IRF2BPL: variants seen among roughly 807,000 people sequenced by gnomAD.
The protein encoded by IRF2BPL is probable E3 ubiquitin-protein ligase IRF2BPL.
Under a neutral mutation model 51.2 loss-of-function variants are expected in IRF2BPL, and 13 were observed. The ratio of observed to expected loss-of-function variants is 0.25; its 90% CI spans 0.17 to 0.40. The LOEUF (loss-of-function observed/expected upper bound fraction) is 0.40. Among genes scored for constraint, IRF2BPL ranks in the 10% least tolerant of loss-of-function variants. The probability of loss-of-function intolerance (pLI) is 1.00; values close to 1 mark genes in which losing one functional copy is unlikely to be tolerated. For synonymous variants in IRF2BPL, 768 were observed against 509.2 expected (o/e 1.51, Z -6.84); for missense variants, 1,210 against 1,111.8 (o/e 1.09, Z -1.26).
Position 77,025,160 on chromosome 14 carries a change from TATA to T in IRF2BPL, c.*239_*241del. Reference sequence around the variant, plus strand: ...ATGATGCAAATGACCCAACCAATACTATACTGCTTAACACAAACCAGCTTATCC... The same window carrying T: ...ATGATGCAAATGACCCAACCAATACTCTGCTTAACACAAACCAGCTTATCC... On this transcript the variant is annotated 3_prime_UTR_variant, in exon 1 of 1. Coordinates refer to ENST00000238647, the MANE Select transcript of IRF2BPL (RefSeq NM_024496.4). The T allele has an allele frequency of 2.7e-6, 1 of 376,712 alleles. No homozygotes were observed. The highest frequency in any genetic ancestry group is 6.9e-5 in the South Asian group (1 of 14,484). The allele number at this position is 376,712 out of a possible 1,614,324, so 23.3% of individuals were successfully genotyped here.
Position 77,027,513 on chromosome 14 carries a change from CT to C in IRF2BPL, c.279del (p.Ala94GlnfsTer58). The C allele has an allele frequency of 1.5e-6, 1 of 665,000 alleles. No homozygotes were observed. The highest frequency in any genetic ancestry group is 1.9e-6 in the Non-Finnish European group (1 of 536,536). The allele number at this position is 665,000 out of a possible 1,614,324, so 41.2% of individuals were successfully genotyped here. ...GCGGCGGCGGCGGCGGCCGCCGCTG[CT>C]GCCGCCGCCGCCGCCGCTTCCTTAG... ...LSAKEAAAAA[A>X]AAAAAAAAAQ... On this transcript the variant is annotated frameshift_variant, in exon 1 of 1. Transcript: ENST00000238647. LOFTEE classifies it high-confidence loss of function.
rs1318179114 is a variant in IRF2BPL, at chr14:77,026,076, G to A, written c.1717C>T (p.Gln573Ter). The A allele has an allele frequency of 6.4e-7, 1 of 1,569,934 alleles. No homozygotes were observed. The change falls in exon 1 of 1, where the codon CAG (glutamine) becomes TAG (stop). Residue 573 changes from glutamine to a stop codon, truncating the protein, a stop_gained. Coordinates refer to ENST00000238647, the MANE Select transcript of IRF2BPL (RefSeq NM_024496.4). LOFTEE classifies it high-confidence loss of function. ...ATGGTGAGCTTCAGCGCCTCGCTCT[G>A]GTTCGCCATCCACTGCTGCCTCTGC... ...EQQRQQWMAN[Q>*]SEALKLTMSA...
Position 77,024,622 on chromosome 14 carries a change from A to G in IRF2BPL, c.*780T>C, listed in dbSNP as rs1039838126. On this transcript the variant is annotated 3_prime_UTR_variant, in exon 1 of 1. Coordinates refer to ENST00000238647, the MANE Select transcript of IRF2BPL (RefSeq NM_024496.4). ...TTCTGTTAACTACAGAAATGTATAAAGGACAAACAGAGCAGATTCTCCATG... is the reference window on the plus strand; with the variant it reads ...TTCTGTTAACTACAGAAATGTATAAGGGACAAACAGAGCAGATTCTCCATG... 1.0e-4 allele frequency: 16 copies of G among 152,624 alleles called. No individual in the cohort carries two copies. Among genetic ancestry groups the G allele is most frequent in the African/African-American group, 3.9e-4 (16 of 41,444 alleles). The allele number at this position is 152,624 out of a possible 1,614,324, so 9.5% of individuals were successfully genotyped here. A position where few individuals can be genotyped will look rare whatever the true frequency, so the allele number is the denominator to read the frequency against.
Position 77,026,898 on chromosome 14 carries a change from G to C in IRF2BPL, c.895C>G (p.Leu299Val). 1 of 1,520,408 alleles carries C rather than the reference G, an allele frequency of 6.6e-7. No homozygotes were observed. Among genetic ancestry groups the C allele is most frequent in the South Asian group, 1.2e-5 (1 of 80,370 alleles). 94.2% of individuals were successfully genotyped at this position (1,520,408 alleles called of 1,614,324 possible). ...GCCGATACACCCGGGGTACCCCCGA[G>C]ACAAGCGGGGCCCCCAGGAGCCCCT... ...PPGAPGGPACLGGTPGVSATS... is the reference protein window; with the variant it reads ...PPGAPGGPACVGGTPGVSATS... The change falls in exon 1 of 1, where the codon CTC becomes GTC. Residue 299 changes from leucine (L) to valine (V), a missense_variant. Leu to Val is a conservative substitution (Grantham distance 32, BLOSUM62 1). Transcript: ENST00000238647.
chr14:77,026,822 C>T lies in IRF2BPL; in HGVS notation c.971G>A (p.Gly324Asp). 6.2e-7 allele frequency: 1 copy of T among 1,612,186 alleles called. No homozygotes were observed. Among genetic ancestry groups the T allele is most frequent in the Non-Finnish European group, 8.5e-7 (1 of 1,179,514 alleles). Residue 324 changes from glycine to aspartate, a missense_variant, in exon 1 of 1, where the codon GGC (glycine) becomes GAC (aspartate). Physicochemically the swap from Gly to Asp is moderately conservative, Grantham distance 94 (BLOSUM62 -1). Transcript: ENST00000238647. The stretch of plus-strand genomic sequence containing the variant: ...GGGCCTCTTACCACCAGCACCCACG[C>T]CCACCTCTGCCACCGACGAAGAGGT... ...SSTSSSVAEV[G>D]VGAGGKRPGS...
rs746526033 is a variant in IRF2BPL, at chr14:77,026,176, G to A, written c.1617C>T (p.Ala539=). Reference sequence around the variant, plus strand: ...GAGAGGCCTTTCTCTTGCGCAGGCTGGCGGCTGCGCCCCGGCCCGACGGCG... The same window carrying A: ...GAGAGGCCTTTCTCTTGCGCAGGCTAGCGGCTGCGCCCCGGCCCGACGGCG... The part of the protein sequence containing the change: ...PAAPSGRGAA[A]SLRKRKASPE... Residue 539 remains alanine (A), a synonymous_variant, in exon 1 of 1, where the codon GCC becomes GCT. Coordinates refer to ENST00000238647, the MANE Select transcript of IRF2BPL (RefSeq NM_024496.4). The A allele has an allele frequency of 1.4e-6, 2 of 1,432,134 alleles. No homozygotes were observed. Among genetic ancestry groups the A allele is most frequent in the South Asian group, 1.5e-5 (1 of 68,450 alleles). 88.7% of individuals were successfully genotyped at this position (1,432,134 alleles called of 1,614,324 possible).
chr14:77,027,368 GCC>G lies in IRF2BPL; in HGVS notation c.423_424del (p.Ala142ProfsTer121). 1 of 1,508,454 alleles carries G rather than the reference GCC, an allele frequency of 6.6e-7. No homozygotes were observed. The highest frequency in any genetic ancestry group is 8.8e-7 in the Non-Finnish European group (1 of 1,131,844). 93.4% of individuals were successfully genotyped at this position (1,508,454 alleles called of 1,614,324 possible). On this transcript the variant is annotated frameshift_variant, in exon 1 of 1. Transcript: ENST00000238647. LOFTEE classifies it high-confidence loss of function. The stretch of plus-strand genomic sequence containing the variant: ...GCCGTAGCGCTCCAGGCCAGACGGG[GCC>G]GCCAGCACCGCAGGCTTGCTGGAAC...
Position 77,027,397 on chromosome 14 carries a change from A to C in IRF2BPL, c.396T>G (p.Asp132Glu). Residue 132 changes from aspartate (D) to glutamate (E), a missense_variant, in exon 1 of 1, where the codon GAT becomes GAG. Transcript: ENST00000238647. ...QQQQQQLNHV[D>E]GSSKPAVLAA... ...CCAGCACCGCAGGCTTGCTGGAACC[A>C]TCAACGTGGTTGAGCTGTTGTTGCT... The C allele has an allele frequency of 2.7e-6, 4 of 1,480,826 alleles. No individual in the cohort carries two copies. Among genetic ancestry groups the C allele is most frequent in the Non-Finnish European group, 3.6e-6 (4 of 1,117,272 alleles). The allele number at this position is 1,480,826 out of a possible 1,614,324, so 91.7% of individuals were successfully genotyped here. A position where few individuals can be genotyped will look rare whatever the true frequency, so the allele number is the denominator to read the frequency against.
Position 77,026,120 on chromosome 14 carries a change from A to T in IRF2BPL, c.1673T>A (p.Leu558Gln). 2 of 1,570,004 alleles carry T rather than the reference A, an allele frequency of 1.3e-6. No homozygotes were observed. The highest frequency in any genetic ancestry group is 1.7e-6 in the Non-Finnish European group (2 of 1,163,908). The part of the protein sequence containing the change: ...PEPPDSAEGA[L>Q]KLGEEQQRQQ... ...CCTCTGCTGTTCCTCGCCCAGCTTCAGCGCGCCCTCGGCTGAGTCCGGGGG... is the reference window on the plus strand; with the variant it reads ...CCTCTGCTGTTCCTCGCCCAGCTTCTGCGCGCCCTCGGCTGAGTCCGGGGG... The change falls in exon 1 of 1, where the codon CTG becomes CAG. Residue 558 changes from leucine to glutamine, a missense_variant. Leu to Gln is a moderately radical substitution (Grantham distance 113, BLOSUM62 -2). Transcript: ENST00000238647.
chr14:77,025,895 G>A lies in IRF2BPL; in HGVS notation c.1898C>T (p.Thr633Ile). The change falls in exon 1 of 1, where the codon ACT becomes ATT. Residue 633 changes from threonine to isoleucine, a missense_variant. Coordinates refer to ENST00000238647, the MANE Select transcript of IRF2BPL (RefSeq NM_024496.4). ...CTTGGGCGAGTGCGCTGTGCCCAGA[G>A]TATCTGCCACCGACATGAGAGCGGC... Reference protein sequence around the residue: ...PMAALMSVADTLGTAHSPKDG... With the variant: ...PMAALMSVADILGTAHSPKDG... The A allele has an allele frequency of 6.2e-7, 1 of 1,612,194 alleles. No homozygotes were observed. The highest frequency in any genetic ancestry group is 8.5e-7 in the Non-Finnish European group (1 of 1,179,650).
rs551073327 is a variant in IRF2BPL at position 77,027,837 on chromosome 14, G to A, written c.-45C>T. On this transcript the variant is annotated 5_prime_UTR_variant, in exon 1 of 1. Coordinates refer to ENST00000238647, the MANE Select transcript of IRF2BPL (RefSeq NM_024496.4). ...GTAGGCCCCCGCCCGGGCTGTCTCC[G>A]CGGCGCCTTCTCCTCCGGGAGGACT... 1 of 1,459,696 alleles carries A rather than the reference G, an allele frequency of 6.9e-7. No homozygotes were observed. Among genetic ancestry groups the A allele is most frequent in the African/African-American group, 1.4e-5 (1 of 69,404 alleles). 90.4% of individuals were successfully genotyped at this position (1,459,696 alleles called of 1,614,324 possible).
Position 77,027,527 on chromosome 14 carries a change from G to A in IRF2BPL, c.266C>T (p.Ala89Val), listed in dbSNP as rs1308039174. 2.3e-5 allele frequency: 16 copies of A among 697,542 alleles called. No individual in the cohort carries two copies. The highest frequency in any genetic ancestry group is 2.7e-5 in the Non-Finnish European group (15 of 565,614). 43.2% of individuals were successfully genotyped at this position (697,542 alleles called of 1,614,324 possible). A position where few individuals can be genotyped will look rare whatever the true frequency, so the allele number is the denominator to read the frequency against. ...KTVALSAKEA[A>V]AAAAAAAAAA... ...GGCCGCCGCTGCTGCCGCCGCCGCCGCCGCTTCCTTAGCCGACAGGGCCAC... is the reference window on the plus strand; with the variant it reads ...GGCCGCCGCTGCTGCCGCCGCCGCCACCGCTTCCTTAGCCGACAGGGCCAC... The change falls in exon 1 of 1, where the codon GCG becomes GTG. Residue 89 changes from alanine (A) to valine (V), a missense_variant. Ala to Val is a moderately conservative substitution (Grantham distance 64). Coordinates refer to ENST00000238647, the MANE Select transcript of IRF2BPL (RefSeq NM_024496.4).
In IRF2BPL at chr14:77,026,891, C is replaced by A. The variant is rs953825201; in HGVS notation, c.902G>T (p.Gly301Val). ...GAPGGPACLGGTPGVSATSSS... is the reference protein window; with the variant it reads ...GAPGGPACLGVTPGVSATSSS... Reference sequence around the variant, plus strand: ...CGACGTGGCCGATACACCCGGGGTACCCCCGAGACAAGCGGGGCCCCCAGG... The same window carrying A: ...CGACGTGGCCGATACACCCGGGGTAACCCCGAGACAAGCGGGGCCCCCAGG... The change falls in exon 1 of 1, where the codon GGT (glycine) becomes GTT (valine). Residue 301 changes from glycine to valine, a missense_variant. Gly to Val is a moderately radical substitution (Grantham distance 109). Coordinates refer to ENST00000238647, the MANE Select transcript of IRF2BPL (RefSeq NM_024496.4). 13 of 1,537,304 alleles carry A rather than the reference C, an allele frequency of 8.5e-6. No homozygotes were observed. The highest frequency in any genetic ancestry group is 7.1e-5 in the East Asian group (3 of 42,338).
chr14:77,027,253 C>T lies in IRF2BPL; in HGVS notation c.540G>A (p.Leu180=). 1 of 1,590,502 alleles carries T rather than the reference C, an allele frequency of 6.3e-7. No homozygotes were observed. The highest frequency in any genetic ancestry group is 8.5e-7 in the Non-Finnish European group (1 of 1,171,812). The part of the protein sequence containing the change: ...RFEYPPPPVS[L]GSSSHTARLP... Reference sequence around the variant, plus strand: ...GTCGCGCGGTGTGGCTGCTGCTTCCCAGGCTCACCGGCGGTGGCGGGTACT... The same window carrying T: ...GTCGCGCGGTGTGGCTGCTGCTTCCTAGGCTCACCGGCGGTGGCGGGTACT... The change falls in exon 1 of 1, where the codon CTG becomes CTA. Residue 180 remains leucine, a synonymous_variant. Transcript: ENST00000238647.
In IRF2BPL at chr14:77,027,418, TTGCTGCTGC is replaced by T. The variant is rs200317113; in HGVS notation, c.366_374del (p.Gln125_Gln127del). On this transcript the variant is annotated inframe_deletion, in exon 1 of 1. Transcript: ENST00000238647. ...AACCATCAACGTGGTTGAGCTGTTGTTGCTGCTGCTGCTGCTGCTGCTGCTGCTGCTGTT... is the reference window on the plus strand; with the variant it reads ...AACCATCAACGTGGTTGAGCTGTTGTTGCTGCTGCTGCTGCTGCTGCTGTT... The T allele has an allele frequency of 1.4e-3, 1,824 of 1,346,100 alleles. No homozygotes were observed. Among genetic ancestry groups the T allele is most frequent in the Admixed American group, 4.7e-3 (176 of 37,072 alleles). The allele number at this position is 1,346,100 out of a possible 1,614,324, so 83.4% of individuals were successfully genotyped here. A position where few individuals can be genotyped will look rare whatever the true frequency, so the allele number is the denominator to read the frequency against.
At position 77,025,386 on chromosome 14, in the gene IRF2BPL, G is replaced by T. The variant is rs1284639534; in HGVS notation, c.*16C>A. The T allele has an allele frequency of 2.0e-6, 3 of 1,518,920 alleles. No homozygotes were observed. The allele number at this position is 1,518,920 out of a possible 1,614,324, so 94.1% of individuals were successfully genotyped here. A position where few individuals can be genotyped will look rare whatever the true frequency, so the allele number is the denominator to read the frequency against. On this transcript the variant is annotated 3_prime_UTR_variant, in exon 1 of 1. Coordinates refer to ENST00000238647, the MANE Select transcript of IRF2BPL (RefSeq NM_024496.4). ...GAGGAGCTGGTCTAGGGCAAAGGAG[G>T]TGGCTGCCCAGTGGTTCAAGGGTCT...
Position 77,027,899 on chromosome 14 carries a change from A to T in IRF2BPL, c.-107T>A. ...GAGGGAGTCCGACTGCGGGGGAGGG[A>T]GGAGGGGGGGCGAGAAAGTTCTGCC... is the stretch of plus-strand genomic sequence containing the variant. On this transcript the variant is annotated 5_prime_UTR_variant, in exon 1 of 1. Transcript: ENST00000238647. 7.8e-7 allele frequency: 1 copy of T among 1,281,288 alleles called. No homozygotes were observed. Among genetic ancestry groups the T allele is most frequent in the Non-Finnish European group, 1.0e-6 (1 of 976,942 alleles). The allele number at this position is 1,281,288 out of a possible 1,614,324, so 79.4% of individuals were successfully genotyped here. A position where few individuals can be genotyped will look rare whatever the true frequency, so the allele number is the denominator to read the frequency against.
At position 77,026,262 on chromosome 14, in the gene IRF2BPL, G is replaced by C; in HGVS notation, c.1531C>G (p.Leu511Val). 2 of 1,487,816 alleles carry C rather than the reference G, an allele frequency of 1.3e-6. No homozygotes were observed. The highest frequency in any genetic ancestry group is 1.4e-5 in the South Asian group (1 of 73,024). The allele number at this position is 1,487,816 out of a possible 1,614,324, so 92.2% of individuals were successfully genotyped here. ...DASCPMLPTA[L>V]VSLSRAPSAP... ...CTGGGGGCGCGGCTCAGACTCACCA[G>C]AGCAGTGGGCAGCATGGGACAGCTG... is the stretch of plus-strand genomic sequence containing the variant. Residue 511 changes from leucine (L) to valine (V), a missense_variant, in exon 1 of 1, where the codon CTG becomes GTG. Physicochemically the swap from Leu to Val is conservative, Grantham distance 32. Coordinates refer to ENST00000238647, the MANE Select transcript of IRF2BPL (RefSeq NM_024496.4).
In IRF2BPL at chr14:77,026,107, C is replaced by T. The variant is rs1315161037; in HGVS notation, c.1686G>A (p.Glu562=). 2 of 1,574,800 alleles carry T rather than the reference C, an allele frequency of 1.3e-6. No homozygotes were observed. Among genetic ancestry groups the T allele is most frequent in the Non-Finnish European group, 1.7e-6 (2 of 1,165,978 alleles). The stretch of plus-strand genomic sequence containing the variant: ...CCATCCACTGCTGCCTCTGCTGTTC[C>T]TCGCCCAGCTTCAGCGCGCCCTCGG... ...DSAEGALKLG[E]EQQRQQWMAN... Residue 562 remains glutamate, a synonymous_variant, in exon 1 of 1, where the codon GAG becomes GAA. Transcript: ENST00000238647.
Sources: allele counts gnomAD v4.1 joint callset, GRCh38; gene constraint gnomAD v4.1.1; transcripts MANE v1.5; gene names NCBI Gene and HGNC (gene_info 2026-07-23, HGNC 2026-07-21).